Variants in ARHGAP25 observed in about 807,000 individuals in gnomAD.
The protein encoded by ARHGAP25 is Rho GTPase activating protein 25, also known as rho GTPase-activating protein 25.
In ARHGAP25, 34 loss-of-function variants were observed where a neutral mutation model predicts 71.0. The ratio of observed to expected loss-of-function variants is 0.48; its 90% CI spans 0.36 to 0.64. ARHGAP25 has a LOEUF of 0.64. ARHGAP25 is among the 30% of genes least tolerant of loss of function. The probability of loss-of-function intolerance (pLI) is 0.00; values close to 1 mark genes in which losing one functional copy is unlikely to be tolerated. For missense variants in ARHGAP25, 706 were observed against 805.1 expected, an observed-to-expected ratio of 0.88 and a Z score of 1.49; for synonymous variants, 282 against 296.5, an observed-to-expected ratio of 0.95 and a Z score of 0.50.
chr2:68,785,784 T>G (rs1015951569), intron 3 of ARHGAP25, among the ~76,000 whole-genome samples: 1 of 152,040 alleles, frequency 6.6e-6, no homozygotes, highest in Non-Finnish European at 1.5e-5. Context: ...TTTAGGCAGA[T>G]TAAGAAAAGA....
At chr2:68,753,406 C>A (rs1265969583) in intron 1 of ARHGAP25, among the ~76,000 whole-genome samples, 1 of 152,148 alleles carries the variant, frequency 6.6e-6, no homozygotes, top group African/African-American at 2.4e-5. Flanking sequence ...GTATTAAAAC[C>A]CAGTACTACT....
At position 68,794,722 on chromosome 2, in the gene ARHGAP25, T is replaced by C. The variant is rs112467679; in HGVS notation, c.466+6766T>C. ...TATATTCATCAGGGATATTGGTCTG[T>C]AGTTTTCTTTTTTGTTGTTGTTATG... On this transcript the variant is annotated intron_variant, in intron 4 of 10. Coordinates refer to ENST00000409202, the MANE Select transcript of ARHGAP25 (RefSeq NM_001007231.3). Among the ~76,000 whole-genome samples the C allele has an allele frequency of 7.3e-3, 1,116 of 152,242 alleles. 6 individuals carry two copies. The highest frequency in any genetic ancestry group is 0.011 in the Admixed American group (170 of 15,288).
At chr2:68,755,054 T>C (rs1676398455) in intron 1 of ARHGAP25, among the ~76,000 whole-genome samples, 1 of 152,252 alleles carries the variant, frequency 6.6e-6, no homozygotes, top group Admixed American at 6.5e-5. Context: ...CATGTTTTTC[T>C]TTTATGGATT....
intron 8 of ARHGAP25, among the ~76,000 whole-genome samples, chr2:68,818,509 G>A (rs1041713117): frequency 1.3e-5 from 2 of 152,140 alleles, no homozygotes; most frequent in African/African-American, 2.4e-5. Flanking sequence ...TGTAATTTTA[G>A]TAGAGACAGG....
intron 1 of ARHGAP25, among the ~76,000 whole-genome samples, chr2:68,770,466 T>C (rs1189611513): frequency 3.3e-5 from 5 of 152,216 alleles, no homozygotes; most frequent in Non-Finnish European, 7.3e-5. Flanking sequence ...AAGTGGAATC[T>C]AGACTGAGTC....
chr2:68,816,718 G>A (rs1286863374), intron 7 of ARHGAP25: 2 of 194,792 alleles, frequency 1.0e-5, no homozygotes, highest in Non-Finnish European at 2.1e-5. Flanking sequence ...GGCCACCCTG[G>A]TTATTTTCCT....
At chr2:68,770,652 ACTT>A (rs1435595733) in intron 1 of ARHGAP25, among the ~76,000 whole-genome samples, 1 of 152,106 alleles carries the variant, frequency 6.6e-6, no homozygotes, top group Non-Finnish European at 1.5e-5. Context: ...GGCATGTGGC[ACTT>A]CTTCTATTTC....
upstream of ARHGAP25, among the ~76,000 whole-genome samples, chr2:68,730,968 A>G (rs895256214): frequency 8.5e-5 from 13 of 152,114 alleles, no homozygotes; most frequent in Non-Finnish European, 1.8e-4. Flanking sequence ...CTGTGCATGC[A>G]CTATTTTTGT....
chr2:68,817,783 G>T (rs1005202595), intron 7 of ARHGAP25, 90 bp from the exon 8 acceptor site: 91 of 1,485,638 alleles, frequency 6.1e-5, no homozygotes, highest in Middle Eastern at 1.8e-4. Context: ...GAAAGCATTG[G>T]ATCCATCCCT....
intron 2 of ARHGAP25, among the ~76,000 whole-genome samples, chr2:68,725,642 A>G (rs1000070232): frequency 1.3e-5 from 2 of 152,166 alleles, no homozygotes; most frequent in Non-Finnish European, 2.9e-5. Flanking sequence ...ATTTAAAAGT[A>G]TACATCAAAT....
intron 2 of ARHGAP25, among the ~76,000 whole-genome samples, chr2:68,711,061 T>G (rs191722082): frequency 1.4e-4 from 22 of 152,316 alleles, no homozygotes; most frequent in Admixed American, 1.2e-3. Context: ...ACAAAATCAT[T>G]CATACAGAAT....
chr2:68,787,637 G>T (rs546529238), intron 3 of ARHGAP25, among the ~76,000 whole-genome samples: 1 of 152,364 alleles, frequency 6.6e-6, no homozygotes, highest in East Asian at 1.9e-4. Context: ...TGTGTTCAAT[G>T]ATTTGTCTGT....
In ARHGAP25 at chr2:68,711,722, T is replaced by C. The variant is rs924203451; in HGVS notation, c.-18+1024T>C. On this transcript the variant is annotated intron_variant and NMD_transcript_variant, in intron 2 of 7. Coordinates refer to the ARHGAP25 transcript ENST00000463483. ...TGTGATGTTCCCCTCCCTGTGTCCATGTGTTCTCATTGTTCAACTCCCATT... is the reference window on the plus strand; with the variant it reads ...TGTGATGTTCCCCTCCCTGTGTCCACGTGTTCTCATTGTTCAACTCCCATT... Among the ~76,000 whole-genome samples, 6 of 129,542 alleles carry C rather than the reference T, an allele frequency of 4.6e-5. No individual in the cohort carries two copies. In the Admixed American group the frequency reaches 4.7e-4, roughly 10 times the overall value. The allele number at this position is 129,542 out of a possible 152,430, so 85.0% of individuals were successfully genotyped here.
intron 10 of ARHGAP25, among the ~76,000 whole-genome samples, chr2:68,823,518 G>A (rs1681861920): frequency 6.6e-6 from 1 of 151,726 alleles, no homozygotes; most frequent in African/African-American, 2.4e-5. Flanking sequence ...GTGTGTAGAT[G>A]GGAGATGACT....
chr2:68,818,002 T>C lies in ARHGAP25; in HGVS notation c.1003+8T>C. The C allele has an allele frequency of 6.2e-7, 1 of 1,613,958 alleles. No homozygotes were observed. ...CTGCCGTGATCATGAGAGGTATGGC[T>C]GGTCCCGTAGTGAAAGCAGGTACCC... On this transcript the variant is annotated splice_region_variant and intron_variant, in intron 8 of 10. Transcript: ENST00000409202.
At chr2:68,721,691 C>T (rs1345744518) in intron 2 of ARHGAP25, among the ~76,000 whole-genome samples, 1 of 152,198 alleles carries the variant, frequency 6.6e-6, no homozygotes, top group Non-Finnish European at 1.5e-5. Flanking sequence ...CTGAGCATCT[C>T]GTGATTTCAG....
At chr2:68,762,622 T>G (rs1265044142) in intron 1 of ARHGAP25, among the ~76,000 whole-genome samples, 1 of 152,134 alleles carries the variant, frequency 6.6e-6, no homozygotes, top group African/African-American at 2.4e-5. Flanking sequence ...TTTGTGCATC[T>G]CTGGTTCCTG....
At chr2:68,799,320 G>A (rs910120756) in intron 4 of ARHGAP25, among the ~76,000 whole-genome samples, 52 of 152,274 alleles carry the variant, frequency 3.4e-4, no homozygotes, top group African/African-American at 1.2e-3. Flanking sequence ...CTGAGAGCCT[G>A]TTTGCCATCT....
At chr2:68,728,465 C>G (rs1347755953) in intron 2 of ARHGAP25, among the ~76,000 whole-genome samples, 1 of 152,032 alleles carries the variant, frequency 6.6e-6, no homozygotes, top group Non-Finnish European at 1.5e-5. Flanking sequence ...CCATATAACC[C>G]AGAAATTCCA....
Sources: allele counts gnomAD v4.1 joint callset (sites outside exome capture counted in the v4.1 genomes callset), GRCh38; gene constraint gnomAD v4.1.1; transcripts MANE v1.5; gene names NCBI Gene and HGNC (gene_info 2026-07-23, HGNC 2026-07-21).